ASMT: variants seen among roughly 807,000 people sequenced by gnomAD.
ASMT encodes the protein acetylserotonin O-methyltransferase, also known as acetylserotonin N-methyltransferase.
In ASMT, 53 loss-of-function variants were observed where a neutral mutation model predicts 41.3. The ratio of observed to expected loss-of-function variants is 1.28; its 90% CI spans 1.03 to 1.61. ASMT has a LOEUF of 1.61. Ranked by LOEUF, ASMT falls within the 40% of genes most tolerant of loss-of-function variation. The pLI is 0.00. For synonymous variants in ASMT, 231 were observed against 184.8 expected, an observed-to-expected ratio of 1.25 and a Z score of -2.03; for missense variants, 531 against 441.3, an observed-to-expected ratio of 1.20 and a Z score of -1.82.
At position 1,623,175 on chromosome X, in the gene ASMT, C is replaced by T. The variant is rs753973389; in HGVS notation, c.106C>T (p.Leu36Phe). The T allele has an allele frequency of 1.9e-6, 3 of 1,612,968 alleles. No individual in the cohort carries two copies. Among genetic ancestry groups the T allele is most frequent in the African/African-American group, 2.7e-5 (2 of 74,890 alleles). The change falls in exon 2 of 9, where the codon CTT (leucine) becomes TTT (phenylalanine). Residue 36 changes from leucine to phenylalanine, a missense_variant. Physicochemically the swap from Leu to Phe is conservative, Grantham distance 22. Coordinates refer to ENST00000381241, the MANE Select transcript of ASMT (RefSeq NM_001171038.2). Reference sequence around the variant, plus strand: ...CGCCTGCGAGCTGGGCGTGTTTGACCTTCTCGCCGAGGCCCCAGGGCCCCT... The same window carrying T: ...CGCCTGCGAGCTGGGCGTGTTTGACTTTCTCGCCGAGGCCCCAGGGCCCCT... ...FAACELGVFDLLAEAPGPLDV... is the reference protein window; with the variant it reads ...FAACELGVFDFLAEAPGPLDV...
chrX:1,629,950 C>T lies in ASMT; in HGVS notation c.562+11C>T, dbSNP rs750770273. Reference sequence around the variant, plus strand: ...TGTGTGACCTTGGTGGTAAGTACCCCTCACCACTAATACCTCGGAGGTGTG... The same window carrying T: ...TGTGTGACCTTGGTGGTAAGTACCCTTCACCACTAATACCTCGGAGGTGTG... On this transcript the variant is annotated intron_variant, in intron 5 of 8. Transcript: ENST00000381241. The T allele has an allele frequency of 1.1e-5, 18 of 1,602,624 alleles. No homozygotes were observed. Among genetic ancestry groups the T allele is most frequent in the South Asian group, 9.9e-5 (9 of 90,868 alleles).
intron 7 of ASMT, chrX:1,636,227 G>A (rs1207429134): frequency 7.2e-6 from 5 of 692,078 alleles, no homozygotes; most frequent in Non-Finnish European, 1.3e-5. Flanking sequence ...AAAGTGCTAG[G>A]ATTACAGGCG....
intron 4 of ASMT, among the ~76,000 whole-genome samples, chrX:1,628,869 A>C (rs1490212552): frequency 2.7e-4 from 35 of 129,072 alleles, no homozygotes; most frequent in Admixed American, 5.1e-4. Context: ...CCCGTATTTC[A>C]CCTCCTTTTC....
rs1382548741 is a variant in ASMT at position 1,629,887 on chromosome X, C to T, written c.510C>T (p.Ser170=). The T allele has an allele frequency of 6.8e-6, 11 of 1,613,860 alleles. No individual in the cohort carries two copies. The highest frequency in any genetic ancestry group is 1.3e-5 in the African/African-American group (1 of 74,916). ...LQEVWSVNGR[S]VLTAFDLSVF... is the part of the protein sequence containing the mutation. ...AGGTCTGGAGCGTCAACGGGAGAAG[C>T]GTGCTGACCGCCTTTGACCTGTCAG... The change falls in exon 5 of 9, where the codon AGC becomes AGT. Residue 170 remains serine (S), a synonymous_variant. Transcript: ENST00000381241.
At chrX:1,622,447 C>A (rs187150384) in intron 1 of ASMT, among the ~76,000 whole-genome samples, 1 of 148,454 alleles carries the variant, frequency 6.7e-6, no homozygotes. Flanking sequence ...TGAGCCACCA[C>A]GCCCGGCTAA....
chrX:1,641,860 A>T (rs1234690781), intron 8 of ASMT, among the ~76,000 whole-genome samples: 2 of 137,972 alleles, frequency 1.4e-5, no homozygotes, highest in African/African-American at 5.5e-5. Flanking sequence ...TATGTGTGTG[A>T]TGGGGACAGT....
At chrX:1,629,151 A>G (rs1170624985) in intron 4 of ASMT, among the ~76,000 whole-genome samples, 1 of 151,976 alleles carries the variant, frequency 6.6e-6, no homozygotes, top group African/African-American at 2.4e-5. Context: ...TAGGGGGCAC[A>G]AGTACCCATG....
In ASMT at chrX:1,628,275, C is replaced by T. The variant is rs1335462386; in HGVS notation, c.443+504C>T. 1.7e-3 allele frequency among the ~76,000 whole-genome samples: 257 copies of T among 152,250 alleles called. 2 individuals are homozygous for T. The highest frequency in any genetic ancestry group is 5.2e-3 in the African/African-American group (215 of 41,556). On this transcript the variant is annotated intron_variant, in intron 4 of 8. Coordinates refer to ENST00000381241, the MANE Select transcript of ASMT (RefSeq NM_001171038.2). ...GGCGGAGGTTGCGGTGATCTGAGAT[C>T]GCACCACTGCACTCCAGCCTGGGCA...
chrX:1,622,634 C>A (rs1361113459), intron 1 of ASMT, among the ~76,000 whole-genome samples: 1 of 151,930 alleles, frequency 6.6e-6, no homozygotes, highest in Non-Finnish European at 1.5e-5. Flanking sequence ...CAGGGTGGGG[C>A]CAGGCGCAAT....
At chrX:1,623,769 G>T (rs1463694303) in intron 2 of ASMT, among the ~76,000 whole-genome samples, 5 of 151,916 alleles carry the variant, frequency 3.3e-5, no homozygotes, top group Non-Finnish European at 5.9e-5. Context: ...CATCACGTTG[G>T]CCAGGCTGGT....
chrX:1,628,235 T>G (rs1490703197), intron 4 of ASMT, among the ~76,000 whole-genome samples: 8 of 152,088 alleles, frequency 5.3e-5, no homozygotes, highest in Non-Finnish European at 7.4e-5. Context: ...GCAGGAGAAC[T>G]GCTTGAACCC....
intron 1 of ASMT, among the ~76,000 whole-genome samples, chrX:1,622,633 G>A (rs1399140788): frequency 6.6e-6 from 1 of 151,906 alleles, no homozygotes; most frequent in Non-Finnish European, 1.5e-5. Flanking sequence ...ACAGGGTGGG[G>A]CCAGGCGCAA....
Position 1,624,304 on chromosome X carries a change from C to G in ASMT, c.280C>G (p.Leu94Val), listed in dbSNP as rs1324307013. ...AAACACAGAGCTGTCCAGCGACTACCTGACCACGGTCAGCCCGACGTCACA... is the reference window on the plus strand; with the variant it reads ...AAACACAGAGCTGTCCAGCGACTACGTGACCACGGTCAGCCCGACGTCACA... ...YRNTELSSDY[L>V]TTVSPTSQCS... Residue 94 changes from leucine to valine, a missense_variant, in exon 3 of 9, where the codon CTG becomes GTG. By Grantham distance (32) the Leu-to-Val change is conservative. Transcript: ENST00000381241. 1 of 1,614,006 alleles carries G rather than the reference C, an allele frequency of 6.2e-7. No homozygotes were observed. Among genetic ancestry groups the G allele is most frequent in the Admixed American group, 1.7e-5 (1 of 60,008 alleles).
chrX:1,619,587 T>TAATAATAA (rs1420115346), intron 1 of ASMT, among the ~76,000 whole-genome samples: 3 of 136,170 alleles, frequency 2.2e-5, no homozygotes, highest in Admixed American at 7.5e-5. Context: ...ATAATAATAA[T>TAATAATAA]AAAAAGTCTT....
intron 1 of ASMT, among the ~76,000 whole-genome samples, chrX:1,616,176 C>G (rs1297098405): frequency 4.3e-4 from 60 of 140,528 alleles, no homozygotes; most frequent in Admixed American, 7.7e-4. Context: ...TTACAGGCAC[C>G]CACCACCACG....
At chrX:1,629,386 A>G (rs1436558418) in intron 4 of ASMT, among the ~76,000 whole-genome samples, 2 of 151,836 alleles carry the variant, frequency 1.3e-5, no homozygotes, top group Admixed American at 6.6e-5. Flanking sequence ...GTGTCCACCT[A>G]TCCTTCTTGG....
At chrX:1,620,744 C>A (rs149615176) in intron 1 of ASMT, among the ~76,000 whole-genome samples, 1 of 151,998 alleles carries the variant, frequency 6.6e-6, no homozygotes, top group East Asian at 1.9e-4. Context: ...AAAAAATTAG[C>A]CTGGCATGGT....
intron 3 of ASMT, among the ~76,000 whole-genome samples, chrX:1,626,822 G>GT (rs34979215): frequency 0.68 from 100,948 of 147,590 alleles, 33,405 homozygotes; most frequent in East Asian, 0.79. Context: ...GAGGTCACGA[G>GT]TTCGAGACCA....
At chrX:1,641,972 C>A (rs1935194688) in intron 8 of ASMT, among the ~76,000 whole-genome samples, 1 of 137,450 alleles carries the variant, frequency 7.3e-6, no homozygotes, top group African/African-American at 2.7e-5. Context: ...TCTGTGAGGT[C>A]CACCCATCCG....
Sources: allele counts gnomAD v4.1 joint callset (sites outside exome capture counted in the v4.1 genomes callset), GRCh38; gene constraint gnomAD v4.1.1; transcripts MANE v1.5; gene names NCBI Gene and HGNC (gene_info 2026-07-23, HGNC 2026-07-21).